Variants in RORA observed in about 807,000 individuals in gnomAD.
RORA encodes the protein nuclear receptor ROR-alpha.
A neutral mutation model predicts 69.5 loss-of-function variants in RORA; 7 were observed. The ratio of observed to expected loss-of-function variants is 0.10; its 90% CI spans 0.06 to 0.19. The LOEUF (loss-of-function observed/expected upper bound fraction) is 0.19, where lower values mean the gene tolerates loss of function less well. Among genes scored for constraint, RORA ranks in the 10% least tolerant of loss-of-function variants. The probability of loss-of-function intolerance (pLI) is 1.00; values close to 1 mark genes in which losing one functional copy is unlikely to be tolerated. For synonymous variants in RORA, 261 were observed against 240.8 expected (o/e 1.08, Z -0.78); for missense variants, 457 against 663.0 (o/e 0.69, Z 3.41).
At chr15:60,876,773 A>G (rs1161574025) in intron 1 of RORA, among the ~76,000 whole-genome samples, 2 of 152,218 alleles carry the variant, frequency 1.3e-5, no homozygotes, top group Non-Finnish European at 2.9e-5. Context: ...CAGGTATCTG[A>G]TATCATGAAA....
At chr15:61,149,716 A>G (rs2079381655) in intron 1 of RORA, among the ~76,000 whole-genome samples, 1 of 152,184 alleles carries the variant, frequency 6.6e-6, no homozygotes. Context: ...ATAGCTATTT[A>G]TTTCATATTG....
intron 1 of RORA, among the ~76,000 whole-genome samples, chr15:60,811,462 T>G (rs1485380503): frequency 6.6e-6 from 1 of 152,232 alleles, no homozygotes; most frequent in Non-Finnish European, 1.5e-5. Context: ...CTTTTTGGTC[T>G]GTGGGTTATT....
At chr15:60,923,463 A>G (rs1892111167) in intron 1 of RORA, among the ~76,000 whole-genome samples, 1 of 152,162 alleles carries the variant, frequency 6.6e-6, no homozygotes, top group Non-Finnish European at 1.5e-5. Flanking sequence ...GCTGTGACGA[A>G]AGCACTGGAC....
Position 60,534,484 on chromosome 15 carries a change from T to C in RORA, c.197-2633A>G, listed in dbSNP as rs1305638197. ...GACTCACTGTAGATTGACTTGTATT[T>C]CCAAACAGGGGGGCCATTCACTTAG... is the stretch of plus-strand genomic sequence containing the variant. On this transcript the variant is annotated intron_variant, in intron 2 of 10. Transcript: ENST00000335670. This position sits in a 1 kb window ranked among gnomAD's most constrained non-coding sequence, Gnocchi z 5.0. 6.7e-6 allele frequency among the ~76,000 whole-genome samples: 1 copy of C among 150,360 alleles called. No homozygotes were observed. Among genetic ancestry groups the C allele is most frequent in the African/African-American group, 2.5e-5 (1 of 39,704 alleles).
intron 1 of RORA, among the ~76,000 whole-genome samples, chr15:61,069,721 A>G (rs1162216797): frequency 8.0e-6 from 1 of 124,622 alleles, no homozygotes; most frequent in African/African-American, 2.6e-5. Flanking sequence ...TGCTTGAGGA[A>G]AAAAAAAAGG....
At chr15:60,856,526 G>C (rs1039515815) in intron 1 of RORA, among the ~76,000 whole-genome samples, 5 of 149,402 alleles carry the variant, frequency 3.3e-5, no homozygotes, top group Admixed American at 6.7e-5. Flanking sequence ...AGAGTCCTTA[G>C]ATATTATCAA....
At chr15:60,844,735 T>C (rs966835361) in intron 1 of RORA, among the ~76,000 whole-genome samples, 7 of 152,058 alleles carry the variant, frequency 4.6e-5, no homozygotes, top group African/African-American at 1.7e-4. Context: ...GAAACAGACA[T>C]GAAAAAGTAA....
intron 1 of RORA, among the ~76,000 whole-genome samples, chr15:61,072,165 T>A (rs1370295839): frequency 6.6e-6 from 1 of 152,190 alleles, no homozygotes; most frequent in African/African-American, 2.4e-5. Flanking sequence ...GGATTGTGAA[T>A]GAGGCAAAGA....
intron 1 of RORA, among the ~76,000 whole-genome samples, chr15:61,064,643 G>GA (rs973251315): frequency 1.3e-5 from 2 of 151,904 alleles, no homozygotes; most frequent in African/African-American, 2.4e-5. Context: ...TCCACAACAT[G>GA]AAAAAAAACT....
intron 1 of RORA, among the ~76,000 whole-genome samples, chr15:61,084,123 G>C (rs1287094010): frequency 6.6e-6 from 1 of 152,134 alleles, no homozygotes; most frequent in Non-Finnish European, 1.5e-5. Flanking sequence ...GCTCCAAGAG[G>C]GGCTATCGAT....
At chr15:61,160,303 T>C (rs544239791) in intron 1 of RORA, among the ~76,000 whole-genome samples, 2 of 152,320 alleles carry the variant, frequency 1.3e-5, no homozygotes, top group East Asian at 1.9e-4. Flanking sequence ...TTATTAGGTC[T>C]ATAGCCTACA....
intron 1 of RORA, among the ~76,000 whole-genome samples, chr15:61,157,223 A>G (rs1018904291): frequency 6.6e-6 from 1 of 152,120 alleles, no homozygotes; most frequent in East Asian, 1.9e-4. Context: ...AAGTTTTGAC[A>G]CCTCTTAGGG....
chr15:60,854,468 T>C (rs1287029979), intron 1 of RORA, among the ~76,000 whole-genome samples: 1 of 152,190 alleles, frequency 6.6e-6, no homozygotes, highest in African/African-American at 2.4e-5. Flanking sequence ...ATTTTTGCTG[T>C]TGATGATAAA....
chr15:61,194,495 C>T (rs1172498585), intron 1 of RORA, among the ~76,000 whole-genome samples: 1 of 145,482 alleles, frequency 6.9e-6, no homozygotes, highest in Non-Finnish European at 1.5e-5. Flanking sequence ...CCCGGGAGGT[C>T]GAGGTTGCAG....
At chr15:61,102,935 T>C (rs1034083092) in intron 1 of RORA, among the ~76,000 whole-genome samples, 2 of 152,216 alleles carry the variant, frequency 1.3e-5, no homozygotes, top group Non-Finnish European at 2.9e-5. Context: ...AGAATCATTC[T>C]GTATTTTGAA....
chr15:60,566,973 C>T (rs1342114069), intron 2 of RORA, among the ~76,000 whole-genome samples: 2 of 152,076 alleles, frequency 1.3e-5, no homozygotes, highest in Non-Finnish European at 2.9e-5. Context: ...CTTAAGCCTT[C>T]AGAACAGAAA....
At chr15:61,064,175 A>G (rs563328814) in intron 1 of RORA, among the ~76,000 whole-genome samples, 3 of 152,328 alleles carry the variant, frequency 2.0e-5, no homozygotes, top group Admixed American at 6.5e-5. Flanking sequence ...CCCTCTGCCT[A>G]CAGGGAGGGA....
intron 1 of RORA, among the ~76,000 whole-genome samples, chr15:61,045,571 T>C (rs990472716): frequency 6.6e-6 from 1 of 152,142 alleles, no homozygotes; most frequent in Admixed American, 6.5e-5. Context: ...ATAGCACTGC[T>C]TGTGCTGGGA....
chr15:61,207,221 C>T (rs1217089636), intron 1 of RORA, among the ~76,000 whole-genome samples: 2 of 152,048 alleles, frequency 1.3e-5, no homozygotes, highest in Admixed American at 1.3e-4. Flanking sequence ...AGAAAGCCTA[C>T]AAAACATATT....
Sources: gnomAD v4.1 joint callset for allele counts (sites outside exome capture counted in the v4.1 genomes callset) on GRCh38, gnomAD v4.1.1 for gene constraint, Gnocchi (gnomAD v3.1) non-coding constraint, MANE v1.5 for transcripts, NCBI Gene and HGNC (gene_info 2026-07-23, HGNC 2026-07-21) for gene names.